The following SMOC1 variants were observed in gnomAD, a reference collection of about 807,000 sequenced individuals.
The protein encoded by SMOC1 is SPARC related modular calcium binding 1.
Under a neutral mutation model 56.3 loss-of-function variants are expected in SMOC1, and 22 were observed. The observed-to-expected ratio is 0.39, with a 90% CI of 0.28 to 0.56. SMOC1 has a LOEUF of 0.56. Ranked by LOEUF, SMOC1 falls within the 20% of genes least tolerant of loss-of-function variation. The pLI is 0.61. For synonymous variants in SMOC1, 193 were observed against 215.0 expected (o/e 0.90, Z 0.89); for missense variants, 509 against 565.4 (o/e 0.90, Z 1.01).
At chr14:69,994,036 T>G (rs1200070151) in intron 6 of SMOC1, among the ~76,000 whole-genome samples, 3 of 152,200 alleles carry the variant, frequency 2.0e-5, no homozygotes, top group Non-Finnish European at 2.9e-5. Flanking sequence ...TGTTTGGCGT[T>G]CGTTTGTTGA....
At chr14:69,991,121 T>A (rs1594842559) in intron 5 of SMOC1, among the ~76,000 whole-genome samples, 1 of 152,292 alleles carries the variant, frequency 6.6e-6, no homozygotes, top group Non-Finnish European at 1.5e-5. Flanking sequence ...ACAGAGACTA[T>A]CTGAGAACTT....
At chr14:69,893,194 A>T (rs943478803) in intron 1 of SMOC1, among the ~76,000 whole-genome samples, 3 of 152,202 alleles carry the variant, frequency 2.0e-5, no homozygotes, top group Non-Finnish European at 4.4e-5. Flanking sequence ...AGTATATTTC[A>T]TGGGAGTTGG....
In SMOC1 at chr14:69,943,610, C is replaced by T. The variant is rs192421290; in HGVS notation, c.100-8528C>T. 9.8e-5 allele frequency among the ~76,000 whole-genome samples: 15 copies of T among 152,296 alleles called. No homozygotes were observed. In the East Asian group the frequency reaches 2.3e-3, roughly 24 times the overall value. On this transcript the variant is annotated intron_variant, in intron 1 of 11. Coordinates refer to ENST00000361956, the MANE Select transcript of SMOC1 (RefSeq NM_001034852.3). ...CAGGTTGGAGAGCAAGCGGCTGAGC[C>T]GCAGCTAGACGTCTGGAATGTGATT... is the stretch of plus-strand genomic sequence containing the variant.
At chr14:69,990,795 T>C (rs1594842344) in intron 5 of SMOC1, among the ~76,000 whole-genome samples, 4 of 152,232 alleles carry the variant, frequency 2.6e-5, no homozygotes, top group Admixed American at 2.6e-4. Flanking sequence ...ATCTCATTTC[T>C]TGGGATGATT....
chr14:69,995,308 C>G (rs1380509613), intron 7 of SMOC1, among the ~76,000 whole-genome samples: 2 of 152,164 alleles, frequency 1.3e-5, no homozygotes, highest in African/African-American at 4.8e-5. Flanking sequence ...TTTAAGTTGA[C>G]CTGTTCACCA....
At chr14:69,975,957 T>TA (rs1352216548) in intron 4 of SMOC1, 143 bp downstream of exon 4, 1 of 686,270 alleles carries the variant, frequency 1.5e-6, no homozygotes, top group Admixed American at 2.0e-5. Flanking sequence ...TACTCTAACA[T>TA]GCTTGCTCGG....
intron 1 of SMOC1, among the ~76,000 whole-genome samples, chr14:69,929,290 A>G (rs1449935623): frequency 1.3e-5 from 2 of 152,214 alleles, no homozygotes; most frequent in African/African-American, 4.8e-5. Context: ...GAAGAGTCCT[A>G]ATAAACATAG....
At chr14:69,988,058 CTT>C (rs1383695628) in intron 5 of SMOC1, among the ~76,000 whole-genome samples, 1 of 152,188 alleles carries the variant, frequency 6.6e-6, no homozygotes, top group Non-Finnish European at 1.5e-5. Flanking sequence ...ATTCAATTCT[CTT>C]TTTATCTGCC....
At chr14:69,883,889 ATTTTTTTTTTTTTTTT>A (rs34300667) in intron 1 of SMOC1, among the ~76,000 whole-genome samples, 5,502 of 66,794 alleles carry the variant, frequency 0.082, 214 homozygotes, top group Admixed American at 0.15. Context: ...GATGTTGAGC[ATTTTTTTTTTTTTTTT>A]TTTTTTTTTT....
intron 1 of SMOC1, among the ~76,000 whole-genome samples, chr14:69,907,082 C>T (rs984830144): frequency 2.0e-5 from 3 of 152,068 alleles, no homozygotes; most frequent in Admixed American, 2.0e-4. Context: ...CTTGAACAAC[C>T]TCTGGTGTAG....
rs148072247 is a variant in SMOC1 at position 70,007,451 on chromosome 14, G to A, written c.665-3303G>A. On this transcript the variant is annotated intron_variant, in intron 7 of 11. Coordinates refer to ENST00000361956, the MANE Select transcript of SMOC1 (RefSeq NM_001034852.3). ...AGAAAAATATCCAGGTACAAGATTT[G>A]TAGCGTGCTTAGGTCGAGAAGACAT... Among the ~76,000 whole-genome samples the A allele has an allele frequency of 2.9e-3, 439 of 152,360 alleles. 1 individual carries two copies. Among genetic ancestry groups the A allele is most frequent in the African/African-American group, 9.8e-3 (409 of 41,578 alleles).
chr14:69,936,525 C>T lies in SMOC1; in HGVS notation c.100-15613C>T, dbSNP rs117049689. On this transcript the variant is annotated intron_variant, in intron 1 of 11. Coordinates refer to ENST00000361956, the MANE Select transcript of SMOC1 (RefSeq NM_001034852.3). The stretch of plus-strand genomic sequence containing the variant: ...ATCCGACTTCCAGAGATCAAGAAGC[C>T]GAGAAGGCATCCTTCCTCCTTCCCC... Among the ~76,000 whole-genome samples, 7 of 152,336 alleles carry T rather than the reference C, an allele frequency of 4.6e-5. No homozygotes were observed. In the East Asian group the frequency reaches 9.6e-4, roughly 21 times the overall value.
chr14:69,955,779 G>A (rs927378380), intron 3 of SMOC1, among the ~76,000 whole-genome samples: 1 of 152,092 alleles, frequency 6.6e-6, no homozygotes, highest in Admixed American at 6.5e-5. Context: ...TGTTTATTCT[G>A]GTAAAAAGAA....
intron 1 of SMOC1, among the ~76,000 whole-genome samples, chr14:69,926,362 C>G (rs1460456277): frequency 6.6e-6 from 1 of 152,178 alleles, no homozygotes; most frequent in Non-Finnish European, 1.5e-5. Flanking sequence ...ACCAAGGGAC[C>G]AGGGAGGAGT....
intron 1 of SMOC1, among the ~76,000 whole-genome samples, chr14:69,902,559 G>A (rs1291615541): frequency 1.3e-5 from 2 of 152,092 alleles, no homozygotes; most frequent in African/African-American, 4.8e-5. Context: ...CACCCTGTGG[G>A]ACCTCTGCCC....
At chr14:70,013,617 C>A in intron 10 of SMOC1, 126 bp downstream of exon 10, 1 of 819,926 alleles carries the variant, frequency 1.2e-6, no homozygotes, top group East Asian at 2.5e-5. Flanking sequence ...TGATCTTTTT[C>A]CTGAAACCAT....
intron 9 of SMOC1, 94 bp from the exon 10 acceptor site, chr14:70,013,292 G>A: frequency 9.0e-7 from 1 of 1,111,428 alleles, no homozygotes; most frequent in Non-Finnish European, 1.4e-6. Context: ...GGACAAGAAG[G>A]GCTTTGAGAA....
At chr14:69,890,795 A>G (rs1883939540) in intron 1 of SMOC1, among the ~76,000 whole-genome samples, 1 of 152,238 alleles carries the variant, frequency 6.6e-6, no homozygotes, top group African/African-American at 2.4e-5. Context: ...GCTGGTGGGA[A>G]TATAAATTAG....
At chr14:69,954,190 G>A (rs1460453973) in intron 3 of SMOC1, among the ~76,000 whole-genome samples, 1 of 152,042 alleles carries the variant, frequency 6.6e-6, no homozygotes, top group South Asian at 2.1e-4. Flanking sequence ...TGGAGACAGG[G>A]TCTCAATCTG....
Sources: gnomAD v4.1 joint callset for allele counts (sites outside exome capture counted in the v4.1 genomes callset) on GRCh38, gnomAD v4.1.1 for gene constraint, MANE v1.5 for transcripts, NCBI Gene and HGNC (gene_info 2026-07-23, HGNC 2026-07-21) for gene names.